THRAP3: variants seen among roughly 807,000 people sequenced by gnomAD.
THRAP3 encodes the protein thyroid hormone receptor-associated protein 3.
Under a neutral mutation model 101.0 loss-of-function variants are expected in THRAP3, and 16 were observed. The ratio of observed to expected loss-of-function variants is 0.16; its 90% CI spans 0.11 to 0.24. The LOEUF (loss-of-function observed/expected upper bound fraction) is 0.24. THRAP3 is among the 10% of genes least tolerant of loss of function. The probability of loss-of-function intolerance (pLI) is 1.00; values close to 1 mark genes in which losing one functional copy is unlikely to be tolerated. For synonymous variants in THRAP3, 407 were observed against 422.6 expected, an observed-to-expected ratio of 0.96 and a Z score of 0.45; for missense variants, 989 against 1,202.7, an observed-to-expected ratio of 0.82 and a Z score of 2.63.
At chr1:36,257,863 CAG>C (rs1407856855) in intron 1 of THRAP3, among the ~76,000 whole-genome samples, 3 of 152,152 alleles carry the variant, frequency 2.0e-5, no homozygotes, top group Non-Finnish European at 2.9e-5. Context: ...TGTTTTGAGA[CAG>C]AGTCTCGCTC....
chr1:36,215,604 G>A, the THRAP3 span, among the ~76,000 whole-genome samples: 3 of 152,224 alleles, frequency 2.0e-5, no homozygotes, highest in Non-Finnish European at 4.4e-5. Flanking sequence ...GGGGTAAATC[G>A]TACATGTTGT....
At chr1:36,231,171 T>C (rs1170426406) in intron 1 of THRAP3, among the ~76,000 whole-genome samples, 2 of 152,184 alleles carry the variant, frequency 1.3e-5, no homozygotes, top group African/African-American at 2.4e-5. Context: ...TCTGTCTTGG[T>C]ACCTTATATC....
intron 2 of THRAP3, among the ~76,000 whole-genome samples, chr1:36,278,700 G>C (rs1049746326): frequency 2.0e-5 from 3 of 152,116 alleles, no homozygotes; most frequent in African/African-American, 4.8e-5. Context: ...GAGGTGGGCG[G>C]ATCACGAAGT....
the THRAP3 span, among the ~76,000 whole-genome samples, chr1:36,214,543 T>A: frequency 5.3e-5 from 8 of 152,158 alleles, no homozygotes; most frequent in Non-Finnish European, 1.2e-4. Context: ...GTTCTCACAC[T>A]GTACCATAGT....
At chr1:36,265,456 A>C (rs551771414) in intron 2 of THRAP3, among the ~76,000 whole-genome samples, 1 of 126,094 alleles carries the variant, frequency 7.9e-6, no homozygotes, top group African/African-American at 2.9e-5. Context: ...ACAAGACAGG[A>C]AACTTTTTTT....
At chr1:36,252,950 ATATATATATATATATATAT>A (rs1256964229) in intron 1 of THRAP3, among the ~76,000 whole-genome samples, 12 of 119,132 alleles carry the variant, frequency 1.0e-4, no homozygotes, top group Non-Finnish European at 1.5e-4. Context: ...ATATATATAT[ATATATATATATATATATAT>A]AAATGTAAAT....
intron 1 of THRAP3, among the ~76,000 whole-genome samples, chr1:36,247,311 C>T (rs1449784565): frequency 4.0e-5 from 6 of 151,852 alleles, no homozygotes; most frequent in South Asian, 2.1e-4. Flanking sequence ...AGCGAGACTC[C>T]GTCTCAAAAA....
chr1:36,295,954 CTTTTTTTTTTTTTTTTTTTTTTT>C lies in THRAP3; in HGVS notation c.2116-614_2116-592del, dbSNP rs575028397. On this transcript the variant is annotated intron_variant, in intron 8 of 11. Transcript: ENST00000354618. Reference sequence around the variant, plus strand: ...CCAGAGCTAATTTTAGCCTTCTCAACTTTTTTTTTTTTTTTTTTTTTTTTTTTTTTTTTTTTTGAGAGATAGTC... The same window carrying C: ...CCAGAGCTAATTTTAGCCTTCTCAACTTTTTTTTTTTTTTGAGAGATAGTC... Among the ~76,000 whole-genome samples the C allele has an allele frequency of 2.3e-4, 14 of 60,500 alleles. No homozygotes were observed. The East Asian group carries it at 6.9e-3, about 30-fold the overall frequency. The allele number at this position is 60,500 out of a possible 152,430, so 39.7% of individuals were successfully genotyped here. A position where few individuals can be genotyped will look rare whatever the true frequency, so the allele number is the denominator to read the frequency against.
chr1:36,285,611 C>T (rs1230420573), intron 3 of THRAP3, among the ~76,000 whole-genome samples: 1 of 152,146 alleles, frequency 6.6e-6, no homozygotes. Context: ...TAACTTCATG[C>T]GTCCTTGGGT....
intron 2 of THRAP3, among the ~76,000 whole-genome samples, chr1:36,268,028 G>T (rs570732609): frequency 1.3e-5 from 2 of 150,912 alleles, no homozygotes; most frequent in African/African-American, 4.9e-5. Flanking sequence ...GACAATACAA[G>T]AATTAGTTGG....
intron 2 of THRAP3, among the ~76,000 whole-genome samples, chr1:36,279,958 T>C (rs1463678315): frequency 6.6e-6 from 1 of 152,190 alleles, no homozygotes; most frequent in Non-Finnish European, 1.5e-5. Context: ...CAGACACTGC[T>C]CTAGACAGGC....
rs1425320453 is a variant in THRAP3 at position 36,282,695 on chromosome 1, G to C, written c.132G>C (p.Arg44Ser). 1.9e-6 allele frequency: 3 copies of C among 1,614,036 alleles called. No homozygotes were observed. Among genetic ancestry groups the C allele is most frequent in the African/African-American group, 2.7e-5 (2 of 74,928 alleles). ...CTCTCTCTCGTTCAAGGAAGCGCAG[G>C]CTGAGGTAAGGGGGTGTGACTTTGT... is the stretch of plus-strand genomic sequence containing the variant. ...SRSLSRSRKR[R>S]LSSRSRSRSY... The change falls in exon 3 of 12, where the codon AGG becomes AGC. Residue 44 changes from arginine to serine, a missense_variant. Arg to Ser is a moderately radical substitution (Grantham distance 110, BLOSUM62 -1). Coordinates refer to ENST00000354618, the MANE Select transcript of THRAP3 (RefSeq NM_005119.4).
In THRAP3 at chr1:36,293,028, CT is replaced by C. The variant is rs71053920; in HGVS notation, c.2030+337del. On this transcript the variant is annotated intron_variant, in intron 7 of 11. Coordinates refer to ENST00000354618, the MANE Select transcript of THRAP3 (RefSeq NM_005119.4). Reference sequence around the variant, plus strand: ...AGTAAATGCTAGTTTCTTTTCTTGTCTTTTTTTTTTTTTTTTTTGAGATGGA... The same window carrying C: ...AGTAAATGCTAGTTTCTTTTCTTGTCTTTTTTTTTTTTTTTTTGAGATGGA... Among the ~76,000 whole-genome samples the C allele has an allele frequency of 1.8e-4, 15 of 82,824 alleles. 1 individual carries two copies. The highest frequency in any genetic ancestry group is 4.6e-4 in the African/African-American group (11 of 23,728). The allele number at this position is 82,824 out of a possible 152,430, so 54.3% of individuals were successfully genotyped here.
Position 36,233,098 on chromosome 1 carries a change from A to G in THRAP3, c.-135+8593A>G, listed in dbSNP as rs1356073681. On this transcript the variant is annotated intron_variant, in intron 1 of 11. Transcript: ENST00000354618. ...TGGCCAGGATGGTCTTGAACTCCTG[A>G]CCTCAGGTGATCTGCCCCCTCGGCC... 1.5e-4 allele frequency among the ~76,000 whole-genome samples: 23 copies of G among 151,240 alleles called. No homozygotes were observed. The South Asian group carries it at 2.3e-3, about 15-fold the overall frequency.
At chr1:36,211,418 G>A in the THRAP3 span, among the ~76,000 whole-genome samples, 1 of 151,624 alleles carries the variant, frequency 6.6e-6, no homozygotes, top group Non-Finnish European at 1.5e-5. Flanking sequence ...CATGCCTGTA[G>A]TCCCAGCTAC....
chr1:36,266,686 C>G (rs1031509925), intron 2 of THRAP3, among the ~76,000 whole-genome samples: 3 of 152,162 alleles, frequency 2.0e-5, no homozygotes, highest in Non-Finnish European at 4.4e-5. Context: ...TCTGGAACCT[C>G]TCATTTCCAA....
Position 36,282,804 on chromosome 1 carries a change from G to A in THRAP3, c.137+104G>A, listed in dbSNP as rs927709635. ...TTTCCTGTGAGTGTCAAATGGACTG[G>A]GGGGTTGGCTTGAGGTGCAGGGTTG... On this transcript the variant is annotated intron_variant, in intron 3 of 11. Transcript: ENST00000354618. 2.2e-6 allele frequency: 3 copies of A among 1,373,196 alleles called. No individual in the cohort carries two copies. In the African/African-American group the frequency reaches 4.3e-5, roughly 20 times the overall value. The allele number at this position is 1,373,196 out of a possible 1,614,324, so 85.1% of individuals were successfully genotyped here.
intron 1 of THRAP3, among the ~76,000 whole-genome samples, chr1:36,241,192 C>CAAAA (rs35954224): frequency 2.4e-5 from 3 of 123,298 alleles, no homozygotes; most frequent in African/African-American, 6.3e-5. Flanking sequence ...GACTCCGTTT[C>CAAAA]AAAAAAAAAA....
At chr1:36,242,600 C>T (rs1032625388) in intron 1 of THRAP3, among the ~76,000 whole-genome samples, 37 of 151,980 alleles carry the variant, frequency 2.4e-4, no homozygotes, top group African/African-American at 8.9e-4. Context: ...CTACAGGCGC[C>T]AGCCACCACG....
Sources: gnomAD v4.1 joint callset for allele counts (sites outside exome capture counted in the v4.1 genomes callset) on GRCh38, gnomAD v4.1.1 for gene constraint, MANE v1.5 for transcripts, NCBI Gene and HGNC (gene_info 2026-07-23, HGNC 2026-07-21) for gene names.